Variants in PTPRR observed in about 807,000 individuals in gnomAD.
PTPRR encodes receptor-type tyrosine-protein phosphatase R.
PTPRR carries 38 observed loss-of-function variants against 77.2 expected under a neutral mutation model. That is an observed-to-expected ratio of 0.49 (90% confidence interval 0.38 to 0.65). PTPRR has a LOEUF of 0.65. PTPRR is among the 30% of genes least tolerant of loss of function. The pLI, the probability that PTPRR is intolerant of heterozygous loss-of-function variation, is 0.00. For missense variants in PTPRR, 744 were observed against 799.2 expected (o/e 0.93, Z 0.83); for synonymous variants, 299 against 283.1 (o/e 1.06, Z -0.57).
intron 2 of PTPRR, among the ~76,000 whole-genome samples, chr12:70,861,954 A>G (rs942225165): frequency 6.6e-6 from 1 of 152,162 alleles, no homozygotes; most frequent in Admixed American, 6.6e-5. Context: ...TCTTTTAAGG[A>G]AGAATTTTAA....
intron 13 of PTPRR, among the ~76,000 whole-genome samples, chr12:70,649,573 T>C (rs117527020): frequency 0.031 from 4,719 of 152,272 alleles, 98 homozygotes; most frequent in Non-Finnish European, 0.046. Context: ...GGTTCCACCA[T>C]TCCTTTCCCA....
chr12:70,914,092 CT>C (rs1230214451), intron 1 of PTPRR, among the ~76,000 whole-genome samples: 3 of 151,976 alleles, frequency 2.0e-5, no homozygotes, highest in Admixed American at 6.6e-5. Flanking sequence ...TGGGCTATGC[CT>C]GATCAACATT....
chr12:70,899,711 G>T (rs1893498413), intron 1 of PTPRR, among the ~76,000 whole-genome samples: 1 of 151,320 alleles, frequency 6.6e-6, no homozygotes, highest in Non-Finnish European at 1.5e-5. Flanking sequence ...CCTAGTCAGT[G>T]CAATGAGACA....
chr12:70,899,265 T>C (rs1232292791), intron 1 of PTPRR, among the ~76,000 whole-genome samples: 1 of 149,192 alleles, frequency 6.7e-6, no homozygotes, highest in Non-Finnish European at 1.5e-5. Context: ...GAGACAATCC[T>C]AAAAAAAAAC....
Position 70,662,594 on chromosome 12 carries a change from T to C in PTPRR, c.1509A>G (p.Leu503=). 1 of 1,600,798 alleles carries C rather than the reference T, an allele frequency of 6.2e-7. No homozygotes were observed. The highest frequency in any genetic ancestry group is 2.2e-5 in the East Asian group (1 of 44,614). Residue 503 remains leucine, a synonymous_variant, in exon 11 of 14, where the codon CTA becomes CTG. Coordinates refer to ENST00000283228, the MANE Select transcript of PTPRR (RefSeq NM_002849.4). ...ATATCCCTCTCTTTTCCGGCCAGTA[T>C]AGCACACATTTCTGGAGGAAGGGAA... ...KLKEKNEKCV[L]YWPEKRGIYG...
intron 10 of PTPRR, among the ~76,000 whole-genome samples, chr12:70,674,971 G>A (rs11178361): frequency 0.057 from 8,595 of 152,016 alleles, 537 homozygotes; most frequent in East Asian, 0.31. Flanking sequence ...ACATTTTAGT[G>A]TTATAGATTG....
chr12:70,786,795 AG>A (rs1891331032), intron 2 of PTPRR, among the ~76,000 whole-genome samples: 1 of 152,220 alleles, frequency 6.6e-6, no homozygotes, highest in South Asian at 2.1e-4. Flanking sequence ...AAATGAAATG[AG>A]GTTTATTGGC....
intron 2 of PTPRR, among the ~76,000 whole-genome samples, chr12:70,853,318 A>G (rs1892601050): frequency 6.6e-6 from 1 of 152,184 alleles, no homozygotes; most frequent in Non-Finnish European, 1.5e-5. Flanking sequence ...TGGTAGTGGG[A>G]AAACAGGATT....
chr12:70,680,947 T>G (rs1887633840), intron 10 of PTPRR, among the ~76,000 whole-genome samples: 1 of 152,202 alleles, frequency 6.6e-6, no homozygotes, highest in Non-Finnish European at 1.5e-5. Context: ...GCATGCTGAC[T>G]GCTCATGAGG....
intron 1 of PTPRR, 143 bp from the exon 2 acceptor site, chr12:70,893,120 G>A (rs1207598040): frequency 3.3e-6 from 3 of 906,092 alleles, no homozygotes; most frequent in Non-Finnish European, 4.9e-6. Context: ...TTCTTTGTCT[G>A]CTTCATGATC....
intron 5 of PTPRR, among the ~76,000 whole-genome samples, chr12:70,750,806 T>C (rs1349244990): frequency 1.3e-5 from 2 of 152,168 alleles, no homozygotes; most frequent in African/African-American, 2.4e-5. Flanking sequence ...CATAGCTCAC[T>C]GTAGCCTCAA....
At chr12:70,809,248 C>T (rs934157257) in intron 2 of PTPRR, among the ~76,000 whole-genome samples, 25 of 152,118 alleles carry the variant, frequency 1.6e-4, no homozygotes, top group African/African-American at 5.8e-4. Context: ...TAGAGATGTG[C>T]AGCTTTTGCA....
At chr12:70,915,493 G>T (rs2137140680) in intron 1 of PTPRR, among the ~76,000 whole-genome samples, 1 of 152,284 alleles carries the variant, frequency 6.6e-6, no homozygotes, top group South Asian at 2.1e-4. Flanking sequence ...GTTTTTTCTA[G>T]TGTATTAGAC....
In PTPRR at chr12:70,781,505, C is replaced by T. The variant is rs537390736; in HGVS notation, c.358-16727G>A. Among the ~76,000 whole-genome samples the T allele has an allele frequency of 2.8e-4, 42 of 152,326 alleles. 2 individuals are homozygous for T. In the South Asian group the frequency reaches 8.5e-3, roughly 31 times the overall value. ...GTGCATTGGGAGGGCATGTGATCCT[C>T]ACTGCAACTCACATGAAAAGTGCAA... On this transcript the variant is annotated intron_variant, in intron 2 of 13. Transcript: ENST00000283228.
chr12:70,672,369 C>T, intron 10 of PTPRR: 2 of 1,358,552 alleles, frequency 1.5e-6, no homozygotes, highest in South Asian at 2.4e-5. Flanking sequence ...GTCCTCCCAT[C>T]AGAGAGCCAG....
At chr12:70,715,834 G>T (rs1391733524) in intron 6 of PTPRR, among the ~76,000 whole-genome samples, 2 of 152,108 alleles carry the variant, frequency 1.3e-5, no homozygotes, top group Non-Finnish European at 2.9e-5. Flanking sequence ...TACAATTTGT[G>T]CAGTTAATGC....
chr12:70,907,276 C>G (rs1018112739), intron 1 of PTPRR, among the ~76,000 whole-genome samples: 1 of 152,152 alleles, frequency 6.6e-6, no homozygotes. Flanking sequence ...AAGAGAAGAA[C>G]CTGAATCCCA....
At chr12:70,813,840 TC>T (rs780085434) in intron 2 of PTPRR, among the ~76,000 whole-genome samples, 43 of 152,170 alleles carry the variant, frequency 2.8e-4, no homozygotes, top group Non-Finnish European at 5.7e-4. Context: ...GATCGCTTGC[TC>T]TACAGGGTTT....
chr12:70,846,799 T>A (rs962282574), intron 2 of PTPRR, among the ~76,000 whole-genome samples: 2 of 152,186 alleles, frequency 1.3e-5, no homozygotes, highest in Admixed American at 6.5e-5. Flanking sequence ...AAATCAAGTT[T>A]CATTGCTTAA....
Sources: gnomAD v4.1 joint callset for allele counts (sites outside exome capture counted in the v4.1 genomes callset) on GRCh38, gnomAD v4.1.1 for gene constraint, MANE v1.5 for transcripts, NCBI Gene and HGNC (gene_info 2026-07-23, HGNC 2026-07-21) for gene names.